Variants in SAMMSON observed in about 807,000 individuals in gnomAD.
SAMMSON encodes long intergenic non-protein coding RNA 1212.
At chr3:70,050,100 C>G (rs1020520319) in intron 3 of SAMMSON, among the ~76,000 whole-genome samples, 4 of 152,124 alleles carry the variant, frequency 2.6e-5, no homozygotes, top group Non-Finnish European at 5.9e-5. Context: ...AGCCAATTCC[C>G]TCTCAGAGCA....
intron 4 of SAMMSON, among the ~76,000 whole-genome samples, chr3:70,208,285 T>C (rs530895617): frequency 6.6e-6 from 1 of 152,224 alleles, no homozygotes; most frequent in Admixed American, 6.5e-5. Flanking sequence ...ATTGAGTTAC[T>C]GAAATTGATA....
chr3:70,162,491 T>A (rs1322015840), intron 4 of SAMMSON, among the ~76,000 whole-genome samples: 1 of 151,964 alleles, frequency 6.6e-6, no homozygotes, highest in Non-Finnish European at 1.5e-5. Flanking sequence ...TCCATTTGAT[T>A]GAAGAACATA....
At chr3:70,212,618 G>A (rs533076006) in intron 4 of SAMMSON, among the ~76,000 whole-genome samples, 10 of 152,026 alleles carry the variant, frequency 6.6e-5, no homozygotes, top group African/African-American at 2.4e-4. Context: ...GCAGTCATTG[G>A]CTCTGAATAC....
intron 7 of SAMMSON, chr3:70,312,811 T>C (rs942778568): frequency 3.9e-5 from 6 of 152,066 alleles, no homozygotes; most frequent in African/African-American, 1.4e-4. Context: ...AGGCTAGCAC[T>C]TATTTAAAAT....
intron 4 of SAMMSON, among the ~76,000 whole-genome samples, chr3:70,190,525 C>G (rs375175999): frequency 4.6e-4 from 70 of 152,352 alleles, no homozygotes; most frequent in African/African-American, 1.5e-3. Context: ...ACCTGGCCAC[C>G]TAATTGGTCT....
intron 6 of SAMMSON, among the ~76,000 whole-genome samples, chr3:70,268,787 A>T (rs1701947682): frequency 6.6e-6 from 1 of 152,186 alleles, no homozygotes; most frequent in South Asian, 2.1e-4. Context: ...GATTATTTGC[A>T]TCATAAATAT....
At chr3:70,373,040 C>A (rs924521503) in intron 9 of SAMMSON, among the ~76,000 whole-genome samples, 3 of 152,158 alleles carry the variant, frequency 2.0e-5, no homozygotes, top group Non-Finnish European at 4.4e-5. Context: ...TTCAGAAATG[C>A]AAGAGTAGAA....
At chr3:70,378,307 C>A (rs1423415220) in intron 9 of SAMMSON, among the ~76,000 whole-genome samples, 1 of 151,704 alleles carries the variant, frequency 6.6e-6, no homozygotes, top group Non-Finnish European at 1.5e-5. Context: ...ATGAGGTGAC[C>A]CATAACAATG....
chr3:70,162,541 G>C (rs1026461855), intron 4 of SAMMSON, among the ~76,000 whole-genome samples: 17 of 151,636 alleles, frequency 1.1e-4, no homozygotes, highest in Non-Finnish European at 4.4e-5. Flanking sequence ...GTTATGATTT[G>C]TAGTATAGCC....
intron 4 of SAMMSON, among the ~76,000 whole-genome samples, chr3:70,088,760 A>G (rs568109325): frequency 6.6e-6 from 1 of 152,328 alleles, no homozygotes; most frequent in African/African-American, 2.4e-5. Context: ...TAAACAAGTC[A>G]AAGGTATTAT....
intron 4 of SAMMSON, among the ~76,000 whole-genome samples, chr3:70,164,484 A>G (rs960437314): frequency 1.3e-5 from 2 of 152,064 alleles, no homozygotes; most frequent in African/African-American, 4.8e-5. Flanking sequence ...TATTGCATGA[A>G]TTCTGTAAAC....
chr3:70,212,399 A>C (rs148765742), intron 4 of SAMMSON, among the ~76,000 whole-genome samples: 8 of 152,248 alleles, frequency 5.3e-5, no homozygotes, highest in African/African-American at 1.9e-4. Flanking sequence ...GAGAATTCAC[A>C]GTTCAATTTG....
At chr3:70,120,167 A>G (rs1359596397) in intron 4 of SAMMSON, 2 of 152,244 alleles carry the variant, frequency 1.3e-5, no homozygotes, top group Non-Finnish European at 2.9e-5. Context: ...TGAAGTACGA[A>G]GAAAACAGTT....
At chr3:70,200,069 T>C (rs1305998635) in intron 4 of SAMMSON, among the ~76,000 whole-genome samples, 2 of 152,080 alleles carry the variant, frequency 1.3e-5, no homozygotes, top group Non-Finnish European at 2.9e-5. Flanking sequence ...CATCATACCT[T>C]CCCCATGCAA....
intron 9 of SAMMSON, among the ~76,000 whole-genome samples, chr3:70,388,579 T>G (rs186213789): frequency 8.5e-5 from 13 of 152,256 alleles, no homozygotes; most frequent in Admixed American, 7.2e-4. Context: ...CTCAATTTCC[T>G]TTTTAGTTAA....
At chr3:70,014,394 A>T (rs757970560) in intron 3 of SAMMSON, 3 of 151,604 alleles carry the variant, frequency 2.0e-5, no homozygotes, top group Non-Finnish European at 4.4e-5. Flanking sequence ...AACGCTGTTC[A>T]CTACGAGGAG....
At chr3:70,338,839 T>C (rs1455576650) in intron 7 of SAMMSON, among the ~76,000 whole-genome samples, 24 of 152,178 alleles carry the variant, frequency 1.6e-4, no homozygotes. Flanking sequence ...AGGTAGTTTA[T>C]AGATTCAATG....
At chr3:70,216,939 A>G (rs1333860089) in intron 4 of SAMMSON, among the ~76,000 whole-genome samples, 1 of 152,196 alleles carries the variant, frequency 6.6e-6, no homozygotes, top group African/African-American at 2.4e-5. Context: ...ACCAAAACCC[A>G]TAAAAAATGT....
At chr3:70,219,691 A>G (rs1363884122) in intron 4 of SAMMSON, among the ~76,000 whole-genome samples, 2 of 152,220 alleles carry the variant, frequency 1.3e-5, no homozygotes, top group Non-Finnish European at 2.9e-5. Flanking sequence ...AATCTGCATC[A>G]GAAGCAGTAA....
Sources: gnomAD v4.1 joint callset for allele counts (sites outside exome capture counted in the v4.1 genomes callset) on GRCh38, gnomAD v4.1.1 for gene constraint, MANE v1.5 for transcripts, NCBI Gene and HGNC (gene_info 2026-07-23, HGNC 2026-07-21) for gene names.